SLCO3A1: variants seen among roughly 807,000 people sequenced by gnomAD.
SLCO3A1 encodes the protein solute carrier organic anion transporter family member 3A1, also known as PGE1 transporter.
Under a neutral mutation model 63.1 loss-of-function variants are expected in SLCO3A1, and 27 were observed. The observed-to-expected ratio is 0.43, with a 90% CI of 0.32 to 0.59. The LOEUF (loss-of-function observed/expected upper bound fraction) is 0.59. Ranked by LOEUF, SLCO3A1 falls within the 20% of genes least tolerant of loss-of-function variation. The pLI is 0.09. For missense variants in SLCO3A1, 773 were observed against 945.8 expected (o/e 0.82, Z 2.40); for synonymous variants, 473 against 409.9 (o/e 1.15, Z -1.86).
rs370437123 is a variant in SLCO3A1, at chr15:92,139,399, G to T, written c.1513-7585G>T. Reference sequence around the variant, plus strand: ...TTGCCAGTATTTTATTGAGGATTTTGGCATCAATGTTCATCAAGGATATTG... The same window carrying T: ...TTGCCAGTATTTTATTGAGGATTTTTGCATCAATGTTCATCAAGGATATTG... On this transcript the variant is annotated intron_variant, in intron 7 of 9. Transcript: ENST00000318445. Among the ~76,000 whole-genome samples, 12 of 152,060 alleles carry T rather than the reference G, an allele frequency of 7.9e-5. No individual in the cohort carries two copies. The East Asian group carries it at 9.7e-4, about 12-fold the overall frequency.
chr15:91,905,948 G>A (rs1567179164), intron 1 of SLCO3A1, among the ~76,000 whole-genome samples: 2 of 152,208 alleles, frequency 1.3e-5, no homozygotes, highest in Admixed American at 6.5e-5. Flanking sequence ...GGGCCACCTT[G>A]CTGACGCAGG....
chr15:91,989,523 A>G (rs2046099798), intron 2 of SLCO3A1, among the ~76,000 whole-genome samples: 1 of 152,232 alleles, frequency 6.6e-6, no homozygotes, highest in South Asian at 2.1e-4. Flanking sequence ...ATAGGATGCA[A>G]TCACAACCAA....
chr15:92,023,221 A>G (rs1364141137), intron 2 of SLCO3A1, among the ~76,000 whole-genome samples: 1 of 152,162 alleles, frequency 6.6e-6, no homozygotes, highest in Non-Finnish European at 1.5e-5. Flanking sequence ...GCAGCCTTAC[A>G]AGGATAAACT....
At chr15:91,969,057 T>A (rs1597169867) in intron 2 of SLCO3A1, among the ~76,000 whole-genome samples, 1 of 152,208 alleles carries the variant, frequency 6.6e-6, no homozygotes, top group Non-Finnish European at 1.5e-5. Context: ...TGTGATTGTA[T>A]CTGTTGCACA....
At chr15:91,971,161 C>T (rs562127616) in intron 2 of SLCO3A1, among the ~76,000 whole-genome samples, 2 of 151,748 alleles carry the variant, frequency 1.3e-5, no homozygotes, top group South Asian at 2.1e-4. Context: ...TTCGGGAGGC[C>T]GAGGCGGGCG....
Position 92,104,294 on chromosome 15 carries a change from C to T in SLCO3A1, c.761C>T (p.Thr254Ile). The change falls in exon 4 of 10, where the codon ACT (threonine) becomes ATT (isoleucine). Residue 254 changes from threonine to isoleucine, a missense_variant. Transcript: ENST00000318445. The part of the protein sequence containing the change: ...VFIDTSNLDI[T>I]PDDPRWIGAW... ...CCATTTACAGGTAACCTGGACATCA[C>T]TCCGGACGACCCCCGCTGGATCGGA... The T allele has an allele frequency of 6.2e-7, 1 of 1,614,136 alleles. No homozygotes were observed.
intron 2 of SLCO3A1, among the ~76,000 whole-genome samples, chr15:91,924,957 A>G (rs571033807): frequency 6.6e-6 from 1 of 152,354 alleles, no homozygotes; most frequent in South Asian, 2.1e-4. Context: ...GATAGGCAGG[A>G]AATAGGACCA....
At chr15:92,015,295 A>G (rs1225717215) in intron 2 of SLCO3A1, among the ~76,000 whole-genome samples, 1 of 152,128 alleles carries the variant, frequency 6.6e-6, no homozygotes, top group African/African-American at 2.4e-5. Flanking sequence ...TTATAAAGGA[A>G]AGAGGTTTAA....
chr15:92,046,292 G>T (rs950954052), intron 2 of SLCO3A1, among the ~76,000 whole-genome samples: 3 of 151,884 alleles, frequency 2.0e-5, no homozygotes, highest in Admixed American at 2.0e-4. Flanking sequence ...AGACGGATGG[G>T]TCACTTGAGA....
chr15:91,895,766 T>A (rs1897987911), intron 1 of SLCO3A1, among the ~76,000 whole-genome samples: 1 of 152,250 alleles, frequency 6.6e-6, no homozygotes, highest in African/African-American at 2.4e-5. Context: ...CTATCTAATC[T>A]TTTGAGTTGC....
chr15:91,958,010 C>T (rs1344144689), intron 2 of SLCO3A1, among the ~76,000 whole-genome samples: 1 of 152,048 alleles, frequency 6.6e-6, no homozygotes, highest in African/African-American at 2.4e-5. Flanking sequence ...CTGCATGGAC[C>T]CGCCTCTATG....
chr15:91,966,539 C>G (rs927510432), intron 2 of SLCO3A1, among the ~76,000 whole-genome samples: 1 of 152,216 alleles, frequency 6.6e-6, no homozygotes, highest in Non-Finnish European at 1.5e-5. Flanking sequence ...AACTGCGCTT[C>G]TGAACATTTC....
downstream of SLCO3A1, among the ~76,000 whole-genome samples, chr15:92,168,231 T>A (rs1429071158): frequency 1.3e-5 from 2 of 152,166 alleles, no homozygotes; most frequent in Non-Finnish European, 2.9e-5. Context: ...TCAGGAAGGC[T>A]CTGGAGAGTG....
rs981136336 is a variant in SLCO3A1 at position 91,863,265 on chromosome 15, A to G, written c.180+9177A>G. Among the ~76,000 whole-genome samples the G allele has an allele frequency of 6.6e-6, 1 of 152,244 alleles. No homozygotes were observed. Among genetic ancestry groups the G allele is most frequent in the African/African-American group, 2.4e-5 (1 of 41,468 alleles). On this transcript the variant is annotated intron_variant, in intron 1 of 9. Transcript: ENST00000318445. This position sits in a 1 kb window ranked among gnomAD's most constrained non-coding sequence, Gnocchi z 4.3. Reference sequence around the variant, plus strand: ...AGCCACCTAGAGCTGTCCCCCTGGAACTCAGCTGGCTGTGCTGTCAGCACC... The same window carrying G: ...AGCCACCTAGAGCTGTCCCCCTGGAGCTCAGCTGGCTGTGCTGTCAGCACC...
intron 7 of SLCO3A1, among the ~76,000 whole-genome samples, chr15:92,135,417 T>G (rs979457861): frequency 6.6e-6 from 1 of 152,140 alleles, no homozygotes; most frequent in African/African-American, 2.4e-5. Context: ...TCTCAGAATT[T>G]TTCTCCCTGG....
chr15:92,058,551 C>T (rs2047048926), intron 2 of SLCO3A1, among the ~76,000 whole-genome samples: 1 of 152,124 alleles, frequency 6.6e-6, no homozygotes, highest in South Asian at 2.1e-4. Flanking sequence ...AAGAGAAGAA[C>T]AGGCAAATGT....
At chr15:91,864,703 CAG>C (rs1897124904) in intron 1 of SLCO3A1, among the ~76,000 whole-genome samples, 1 of 152,304 alleles carries the variant, frequency 6.6e-6, no homozygotes, top group East Asian at 1.9e-4. Context: ...CCAAGGCTAT[CAG>C]GGGAACTATT....
At chr15:92,002,186 A>C (rs1567060895) in intron 2 of SLCO3A1, among the ~76,000 whole-genome samples, 1 of 152,180 alleles carries the variant, frequency 6.6e-6, no homozygotes, top group East Asian at 1.9e-4. Flanking sequence ...ATTTAGCCTC[A>C]GTCCAGATGT....
rs538723495 is a variant in SLCO3A1, at chr15:91,968,627, C to T, written c.646+52169C>T. On this transcript the variant is annotated intron_variant, in intron 2 of 9. Coordinates refer to ENST00000318445, the MANE Select transcript of SLCO3A1 (RefSeq NM_013272.4). This position sits in a 1 kb window ranked among gnomAD's most constrained non-coding sequence, Gnocchi z 4.2. ...AGAAGCCAGGGTAGAAACAAGCGAC[C>T]CCTGCTTCCATGTGAAGCTTCATTC... Among the ~76,000 whole-genome samples the T allele has an allele frequency of 1.3e-5, 2 of 152,240 alleles. No individual in the cohort carries two copies. Among genetic ancestry groups the T allele is most frequent in the East Asian group, 3.9e-4 (2 of 5,166 alleles).
Sources: allele counts gnomAD v4.1 joint callset (sites outside exome capture counted in the v4.1 genomes callset), GRCh38; gene constraint gnomAD v4.1.1; non-coding constraint Gnocchi (gnomAD v3.1); transcripts MANE v1.5; gene names NCBI Gene and HGNC (gene_info 2026-07-23, HGNC 2026-07-21).